Variants in ZNF83 observed in about 807,000 individuals in gnomAD.
ZNF83 encodes zinc finger protein 816B.
For synonymous variants in ZNF83, 209 were observed against 213.0 expected (o/e 0.98, Z 0.17); for missense variants, 552 against 629.9 (o/e 0.88, Z 1.32).
chr19:52,639,415 A>ATTTTTTTTTTTT (rs1160711365), upstream of ZNF83, among the ~76,000 whole-genome samples: 262 of 86,154 alleles, frequency 3.0e-3, 7 homozygotes, highest in East Asian at 0.02. Flanking sequence ...AGTTTTTTCT[A>ATTTTTTTTTTTT]TTTTTTTTTT....
At chr19:52,687,934 C>T (rs1338029023) in intron 1 of ZNF83, among the ~76,000 whole-genome samples, 2 of 151,832 alleles carry the variant, frequency 1.3e-5, no homozygotes, top group Non-Finnish European at 2.9e-5. Flanking sequence ...AAGAGAGTAA[C>T]TTCCAACTCA....
chr19:52,634,326 C>T (rs1248389550), intron 2 of ZNF83, among the ~76,000 whole-genome samples: 1 of 126,580 alleles, frequency 7.9e-6, no homozygotes, highest in East Asian at 2.4e-4. Flanking sequence ...AATATGGCTC[C>T]ATCCTCTAGG....
At chr19:52,618,264 G>GTGTT (rs1372230177) in intron 2 of ZNF83, among the ~76,000 whole-genome samples, 2 of 149,832 alleles carry the variant, frequency 1.3e-5, no homozygotes, top group Non-Finnish European at 3.0e-5. Context: ...GATAATTTTT[G>GTGTT]TGTTTTTTTT....
chr19:52,643,795 G>A (rs2061338389), intron 3 of ZNF83, among the ~76,000 whole-genome samples: 1 of 152,160 alleles, frequency 6.6e-6, no homozygotes, highest in Non-Finnish European at 1.5e-5. Context: ...AGACATCTCT[G>A]AGCCTAGACC....
chr19:52,631,709 A>T (rs2060968413), intron 2 of ZNF83, among the ~76,000 whole-genome samples: 1 of 152,000 alleles, frequency 6.6e-6, no homozygotes, highest in African/African-American at 2.4e-5. Flanking sequence ...CCATTTCCCC[A>T]TATTTCCTTC....
intron 2 of ZNF83, among the ~76,000 whole-genome samples, chr19:52,621,663 T>C (rs1165336411): frequency 6.6e-6 from 1 of 152,192 alleles, no homozygotes; most frequent in Non-Finnish European, 1.5e-5. Context: ...CCTCCATTCC[T>C]CCTACTTCCC....
At chr19:52,631,693 T>C (rs2060967864) in intron 2 of ZNF83, among the ~76,000 whole-genome samples, 1 of 152,176 alleles carries the variant, frequency 6.6e-6, no homozygotes, top group Non-Finnish European at 1.5e-5. Flanking sequence ...CCATCTGACA[T>C]TCACACCATT....
intron 2 of ZNF83, among the ~76,000 whole-genome samples, chr19:52,629,292 A>G (rs1030566965): frequency 3.9e-5 from 6 of 152,046 alleles, no homozygotes; most frequent in Admixed American, 6.6e-5. Context: ...TCTTTTACAC[A>G]TCGGTCCCTG....
chr19:52,630,495 T>C (rs56035352), intron 2 of ZNF83, among the ~76,000 whole-genome samples: 29,116 of 152,094 alleles, frequency 0.19, 2,893 homozygotes, highest in Middle Eastern at 0.24. Flanking sequence ...TTATGCACTC[T>C]TTTTTAGTTA....
chr19:52,678,180 C>T (rs1323671929), intron 1 of ZNF83, among the ~76,000 whole-genome samples: 2 of 151,874 alleles, frequency 1.3e-5, no homozygotes, highest in African/African-American at 4.8e-5. Flanking sequence ...AGGCCAGGCT[C>T]GGTGGCTCAA....
At chr19:52,665,738 A>G (rs2061641067) in intron 1 of ZNF83, among the ~76,000 whole-genome samples, 1 of 152,118 alleles carries the variant, frequency 6.6e-6, no homozygotes, top group Admixed American at 6.5e-5. Flanking sequence ...GTGCGGTCTA[A>G]TCCTAGCCGA....
chr19:52,615,968 A>G (rs1419095721), intron 2 of ZNF83, among the ~76,000 whole-genome samples: 2 of 152,114 alleles, frequency 1.3e-5, no homozygotes, highest in Admixed American at 1.3e-4. Context: ...CCTCCTGAGT[A>G]GCTGGGATTA....
intron 1 of ZNF83, 42 bp from the exon 2 acceptor site, chr19:52,635,195 C>T: frequency 1.8e-6 from 1 of 568,344 alleles, no homozygotes. Flanking sequence ...AGAATCAATA[C>T]ACCCCATTCC....
At chr19:52,639,970 A>C (rs1374555041), upstream of ZNF83, among the ~76,000 whole-genome samples, 1 of 152,188 alleles carries the variant, frequency 6.6e-6, no homozygotes, top group African/African-American at 2.4e-5. Flanking sequence ...GATAAACACT[A>C]ATCAGTCCTC....
chr19:52,621,731 C>A (rs1372270366), intron 2 of ZNF83, among the ~76,000 whole-genome samples: 1 of 134,684 alleles, frequency 7.4e-6, no homozygotes, highest in Non-Finnish European at 1.6e-5. Flanking sequence ...GATCTAAAAC[C>A]TAAGCATCTT....
chr19:52,632,666 CT>C (rs55752197), intron 2 of ZNF83, among the ~76,000 whole-genome samples: 121,220 of 151,722 alleles, frequency 0.8, 49,105 homozygotes, highest in African/African-American at 0.94. Context: ...ACTGGCAAGG[CT>C]ATGCTGAACC....
chr19:52,620,262 GTA>G lies in ZNF83; in HGVS notation c.-233-5467_-233-5466del, dbSNP rs149456544. Among the ~76,000 whole-genome samples, 101 of 132,386 alleles carry G rather than the reference GTA, an allele frequency of 7.6e-4. No homozygotes were observed. In the East Asian group the frequency reaches 0.01, roughly 13 times the overall value. 86.9% of individuals were successfully genotyped at this position (132,386 alleles called of 152,430 possible). Reference sequence around the variant, plus strand: ...TATATGTGTGTGTATATCTGTGTGTGTATATCTCTGTGTGTGTGTGTGTGTGT... The same window carrying G: ...TATATGTGTGTGTATATCTGTGTGTGTATCTCTGTGTGTGTGTGTGTGTGT... On this transcript the variant is annotated intron_variant, in intron 2 of 2. Transcript: ENST00000301096.
chr19:52,626,803 A>G (rs780211107), intron 2 of ZNF83, among the ~76,000 whole-genome samples: 1 of 151,974 alleles, frequency 6.6e-6, no homozygotes, highest in African/African-American at 2.4e-5. Flanking sequence ...AACATCATCC[A>G]TTATCTCTCC....
intron 1 of ZNF83, among the ~76,000 whole-genome samples, chr19:52,673,500 T>TCTCACACACACACA (rs1555790540): frequency 8.7e-5 from 13 of 149,028 alleles, no homozygotes; most frequent in East Asian, 5.9e-4. Flanking sequence ...TGTAACTCCA[T>TCTCACACACACACA]CACACACACA....
Sources: gnomAD v4.1 joint callset for allele counts (sites outside exome capture counted in the v4.1 genomes callset) on GRCh38, gnomAD v4.1.1 for gene constraint, MANE v1.5 for transcripts, NCBI Gene and HGNC (gene_info 2026-07-23, HGNC 2026-07-21) for gene names.